Variants in CDKAL1 observed in about 807,000 individuals in gnomAD.
CDKAL1 encodes CDKAL1 threonylcarbamoyladenosine tRNA methylthiotransferase, also known as threonylcarbamoyladenosine tRNA methylthiotransferase.
CDKAL1 carries 32 observed loss-of-function variants against 68.2 expected under a neutral mutation model. The observed-to-expected ratio is 0.47, with a 90% CI of 0.35 to 0.63. CDKAL1 has a LOEUF of 0.63. Ranked by LOEUF, CDKAL1 falls within the 30% of genes least tolerant of loss-of-function variation. The probability of loss-of-function intolerance (pLI) is 0.00; values close to 1 mark genes in which losing one functional copy is unlikely to be tolerated. For missense variants in CDKAL1, 606 were observed against 696.7 expected (o/e 0.87, Z 1.47); for synonymous variants, 234 against 244.3 (o/e 0.96, Z 0.39).
chr6:21,035,279 C>A (rs1274600228), intron 11 of CDKAL1, among the ~76,000 whole-genome samples: 1 of 152,050 alleles, frequency 6.6e-6, no homozygotes, highest in East Asian at 1.9e-4. Context: ...CTGTTTAAAA[C>A]CCCCTCAAAT....
chr6:20,742,426 G>T lies in CDKAL1; in HGVS notation c.468+2811G>T, dbSNP rs75745593. Among the ~76,000 whole-genome samples, 3 of 150,712 alleles carry T rather than the reference G, an allele frequency of 2.0e-5. No individual in the cohort carries two copies. The East Asian group carries it at 5.9e-4, about 30-fold the overall frequency. ...TAGAAATAAAATCTATATTTCTATC[G>T]CCATAATGCATTTAAAATTTTGCTT... On this transcript the variant is annotated intron_variant, in intron 6 of 15. Coordinates refer to ENST00000274695, the MANE Select transcript of CDKAL1 (RefSeq NM_017774.3).
At chr6:20,769,087 C>T (rs1264306605) in intron 7 of CDKAL1, among the ~76,000 whole-genome samples, 2 of 152,096 alleles carry the variant, frequency 1.3e-5, no homozygotes, top group East Asian at 3.9e-4. Flanking sequence ...AACACACGTG[C>T]TTATACTCAC....
intron 15 of CDKAL1, among the ~76,000 whole-genome samples, chr6:21,206,940 C>T (rs200385636): frequency 0.013 from 1,764 of 133,708 alleles, 15 homozygotes; most frequent in African/African-American, 0.035. Flanking sequence ...TTTTTTTTTT[C>T]TTTTTAGACA....
intron 10 of CDKAL1, among the ~76,000 whole-genome samples, chr6:20,988,995 C>T (rs1215080933): frequency 6.6e-6 from 1 of 151,690 alleles, no homozygotes; most frequent in South Asian, 2.1e-4. Flanking sequence ...CCTGAAGTAG[C>T]GCGTGTCATT....
At chr6:20,914,133 C>G (rs1343990681) in intron 9 of CDKAL1, among the ~76,000 whole-genome samples, 1 of 151,382 alleles carries the variant, frequency 6.6e-6, no homozygotes, top group Admixed American at 6.6e-5. Context: ...ACTAAAAATA[C>G]AAAAAAATTA....
In CDKAL1 at chr6:20,637,790, C is replaced by A. The variant is rs569086964; in HGVS notation, c.287-11503C>A. ...CTGCTGTGTGTTTCTGGTATACATC[C>A]AAAAAAATTTTATGTAAATACCAGC... On this transcript the variant is annotated intron_variant, in intron 4 of 15. Transcript: ENST00000274695. 4.6e-5 allele frequency among the ~76,000 whole-genome samples: 7 copies of A among 152,184 alleles called. No individual in the cohort carries two copies. The South Asian group carries it at 1.0e-3, about 23-fold the overall frequency.
Position 20,836,606 on chromosome 6 carries a change from C to T in CDKAL1, c.639-9469C>T, listed in dbSNP as rs538550542. 1.1e-4 allele frequency among the ~76,000 whole-genome samples: 16 copies of T among 152,206 alleles called. No individual in the cohort carries two copies. In the South Asian group the frequency reaches 1.9e-3, roughly 18 times the overall value. On this transcript the variant is annotated intron_variant, in intron 8 of 15. Transcript: ENST00000274695. ...GTTCTTATTTAAGTTCTTAAATTGA[C>T]GTATTTCCTCTGTTGAGATGCATTT... is the stretch of plus-strand genomic sequence containing the variant.
intron 14 of CDKAL1, among the ~76,000 whole-genome samples, chr6:21,199,620 C>T (rs910895290): frequency 6.6e-6 from 1 of 152,084 alleles, no homozygotes; most frequent in South Asian, 2.1e-4. Flanking sequence ...TTAAAGCAGT[C>T]GGGCTTTTTC....
intron 9 of CDKAL1, among the ~76,000 whole-genome samples, chr6:20,950,978 AAAAAGAAAAG>A (rs1188068099): frequency 6.6e-6 from 1 of 151,594 alleles, no homozygotes; most frequent in Non-Finnish European, 1.5e-5. Flanking sequence ...AGAAAAAAAA[AAAAAGAAAAG>A]AAAAGAAAAG....
chr6:20,897,174 A>T (rs745804211), intron 9 of CDKAL1, among the ~76,000 whole-genome samples: 1 of 152,132 alleles, frequency 6.6e-6, no homozygotes, highest in South Asian at 2.1e-4. Flanking sequence ...TTTTATAAGG[A>T]CACTAGTCCC....
chr6:20,540,087 T>G (rs1763329496), intron 2 of CDKAL1, among the ~76,000 whole-genome samples: 1 of 150,424 alleles, frequency 6.6e-6, no homozygotes, highest in African/African-American at 2.5e-5. Flanking sequence ...CTTTTTTTTT[T>G]TTTTGAGACA....
chr6:20,930,608 G>T (rs1763397171), intron 9 of CDKAL1, among the ~76,000 whole-genome samples: 2 of 152,090 alleles, frequency 1.3e-5, no homozygotes, highest in African/African-American at 4.8e-5. Flanking sequence ...TCCCCTCATT[G>T]TTACTTTAGT....
chr6:21,149,530 G>A (rs1776314708), intron 13 of CDKAL1, among the ~76,000 whole-genome samples: 1 of 152,240 alleles, frequency 6.6e-6, no homozygotes, highest in Non-Finnish European at 1.5e-5. Flanking sequence ...TGGTTGCAAT[G>A]ATTTGTAGGT....
At chr6:20,586,806 A>G (rs557837338) in intron 4 of CDKAL1, among the ~76,000 whole-genome samples, 3 of 152,242 alleles carry the variant, frequency 2.0e-5, no homozygotes, top group East Asian at 3.9e-4. Flanking sequence ...GCCAAGATTT[A>G]TATCATGTTC....
At chr6:20,863,847 A>T (rs1157302570) in intron 9 of CDKAL1, among the ~76,000 whole-genome samples, 1 of 152,156 alleles carries the variant, frequency 6.6e-6, no homozygotes, top group African/African-American at 2.4e-5. Flanking sequence ...AAGAAAATAC[A>T]TTTCCTTTGA....
chr6:20,857,808 A>G (rs1437856248), intron 9 of CDKAL1, among the ~76,000 whole-genome samples: 1 of 152,188 alleles, frequency 6.6e-6, no homozygotes, highest in African/African-American at 2.4e-5. Flanking sequence ...TCTGTGATAG[A>G]TATAGGCCCC....
intron 9 of CDKAL1, among the ~76,000 whole-genome samples, chr6:20,899,964 A>G (rs1287804885): frequency 6.6e-6 from 1 of 152,212 alleles, no homozygotes; most frequent in Non-Finnish European, 1.5e-5. Flanking sequence ...GGTGACATAA[A>G]TGTTTACTTT....
chr6:21,114,141 G>A (rs1234627933), intron 13 of CDKAL1, among the ~76,000 whole-genome samples: 4 of 151,478 alleles, frequency 2.6e-5, no homozygotes, highest in Non-Finnish European at 4.4e-5. Context: ...CCCGCTACTC[G>A]GGAGGCTGAG....
At chr6:20,796,300 G>A (rs1010505293) in intron 8 of CDKAL1, among the ~76,000 whole-genome samples, 5 of 152,178 alleles carry the variant, frequency 3.3e-5, no homozygotes, top group East Asian at 3.8e-4. Context: ...GACAAATTAT[G>A]TATAGGATAT....
Sources: allele counts gnomAD v4.1 joint callset (sites outside exome capture counted in the v4.1 genomes callset), GRCh38; gene constraint gnomAD v4.1.1; transcripts MANE v1.5; gene names NCBI Gene and HGNC (gene_info 2026-07-23, HGNC 2026-07-21).